The following CDCA2 variants were observed in gnomAD, a reference collection of about 807,000 sequenced individuals.
CDCA2 encodes cell division cycle associated 2, also known as cell division cycle-associated protein 2.
A neutral mutation model predicts 67.0 loss-of-function variants in CDCA2; 44 were observed. That is an observed-to-expected ratio of 0.66 (90% CI 0.52 to 0.84). The LOEUF is 0.84. Among genes scored for constraint, CDCA2 ranks in the 40% least tolerant of loss-of-function variants. CDCA2 has a pLI of 0.00. For synonymous variants in CDCA2, 447 were observed against 418.7 expected, an observed-to-expected ratio of 1.07 and a Z score of -0.82; for missense variants, 1,253 against 1,203.2, an observed-to-expected ratio of 1.04 and a Z score of -0.61.
intron 8 of CDCA2, among the ~76,000 whole-genome samples, chr8:25,481,234 A>C (rs762096791): frequency 9.7e-3 from 28 of 2,888 alleles, no homozygotes; most frequent in Non-Finnish European, 0.06. Flanking sequence ...AGTCTGGGAC[A>C]AAAAAAAAAA....
At chr8:25,502,324 C>A in intron 13 of CDCA2, among the ~76,000 whole-genome samples, 1 of 151,974 alleles carries the variant, frequency 6.6e-6, no homozygotes, top group African/African-American at 2.4e-5. Context: ...CAGCATTTCC[C>A]CAAGGTCTTT....
chr8:25,481,716 CAACTAATGATCTTT>C (rs1803579483), intron 8 of CDCA2, among the ~76,000 whole-genome samples: 1 of 152,054 alleles, frequency 6.6e-6, no homozygotes, highest in Non-Finnish European at 1.5e-5. Context: ...AAAACATTTA[CAACTAATGATCTTT>C]ATACTAAGAT....
intron 13 of CDCA2, among the ~76,000 whole-genome samples, chr8:25,496,259 T>C (rs1408232618): frequency 6.6e-6 from 1 of 152,164 alleles, no homozygotes; most frequent in Admixed American, 6.5e-5. Flanking sequence ...AATCATGAAA[T>C]AACACATAAG....
upstream of CDCA2, chr8:25,458,972 A>T (rs908176144): frequency 6.6e-6 from 1 of 152,128 alleles, no homozygotes; most frequent in Non-Finnish European, 1.5e-5. Flanking sequence ...GAGAAGCGTT[A>T]CTCCGCGAGA....
At position 25,466,331 on chromosome 8, in the gene CDCA2, T is replaced by C; in HGVS notation, c.538+6T>C. The C allele has an allele frequency of 6.3e-7, 1 of 1,575,942 alleles. No homozygotes were observed. Among genetic ancestry groups the C allele is most frequent in the African/African-American group, 1.4e-5 (1 of 72,630 alleles). On this transcript the variant is annotated splice_donor_region_variant and intron_variant, in intron 5 of 14. Transcript: ENST00000330560. ...GTCCGAGATGACAGACTTGAGTGAG[T>C]AGAAATAATTCGTTCAGTTTTGACT...
intron 4 of CDCA2, among the ~76,000 whole-genome samples, chr8:25,465,113 A>G: frequency 6.6e-6 from 1 of 152,098 alleles, no homozygotes; most frequent in East Asian, 1.9e-4. Context: ...AGCTGGGATT[A>G]CAGGCATGCA....
intron 4 of CDCA2, 26 bp downstream of exon 4, chr8:25,462,234 G>A (rs371086853): frequency 8.7e-6 from 14 of 1,608,562 alleles, no homozygotes; most frequent in Admixed American, 5.0e-5. Context: ...AAGTTCTGTC[G>A]TGAATTCCGT....
At chr8:25,461,181 C>T (rs866697122) in intron 3 of CDCA2, among the ~76,000 whole-genome samples, 20 of 148,284 alleles carry the variant, frequency 1.3e-4, no homozygotes, top group African/African-American at 4.2e-4. Context: ...GCAGGAGAAT[C>T]GCTTGAACCT....
At chr8:25,459,886 A>G (rs531493245) in intron 1 of CDCA2, among the ~76,000 whole-genome samples, 3 of 152,298 alleles carry the variant, frequency 2.0e-5, no homozygotes, top group Non-Finnish European at 4.4e-5. Flanking sequence ...AATAAGATCT[A>G]GTATTTGCTA....
chr8:25,493,338 T>A (rs1240478198), intron 13 of CDCA2, among the ~76,000 whole-genome samples: 1 of 152,040 alleles, frequency 6.6e-6, no homozygotes, highest in Non-Finnish European at 1.5e-5. Flanking sequence ...TCCTCAAGAG[T>A]AAATTCCTTT....
chr8:25,492,064 G>T (rs993729842), intron 13 of CDCA2, among the ~76,000 whole-genome samples: 2 of 152,110 alleles, frequency 1.3e-5, no homozygotes, highest in African/African-American at 4.8e-5. Context: ...CCAAAGTGCT[G>T]GGATTACAGG....
intron 13 of CDCA2, among the ~76,000 whole-genome samples, chr8:25,489,518 C>A (rs146194350): frequency 1.5e-3 from 224 of 152,304 alleles, no homozygotes; most frequent in African/African-American, 5.4e-3. Context: ...GAGTTATCCT[C>A]TCTTCCATCT....
At position 25,460,368 on chromosome 8, in the gene CDCA2, A is replaced by T. The variant is rs372294199; in HGVS notation, c.62-16A>T. 5.6e-6 allele frequency: 9 copies of T among 1,614,010 alleles called. No homozygotes were observed. Among genetic ancestry groups the T allele is most frequent in the Non-Finnish European group, 5.1e-6 (6 of 1,180,028 alleles). ...AGAGAGTTGTCCTCACCCCTACAAT[A>T]TGTCGTCCGTTTCAGGAAATGCCTC... is the stretch of plus-strand genomic sequence containing the variant. On this transcript the variant is annotated splice_polypyrimidine_tract_variant and intron_variant, in intron 2 of 14. Coordinates refer to ENST00000330560, the MANE Select transcript of CDCA2 (RefSeq NM_152562.4).
chr8:25,496,671 A>C (rs1804235279), intron 13 of CDCA2, among the ~76,000 whole-genome samples: 1 of 152,180 alleles, frequency 6.6e-6, no homozygotes, highest in Non-Finnish European at 1.5e-5. Context: ...CAAATGGCTA[A>C]CATCACTAAT....
At chr8:25,483,568 A>T in intron 9 of CDCA2, 82 bp downstream of exon 9, 1 of 904,444 alleles carries the variant, frequency 1.1e-6, no homozygotes. Flanking sequence ...GAAATTTTCA[A>T]TGATCTATAA....
At chr8:25,471,309 G>A (rs573658906) in intron 7 of CDCA2, among the ~76,000 whole-genome samples, 1 of 152,256 alleles carries the variant, frequency 6.6e-6, no homozygotes, top group South Asian at 2.1e-4. Flanking sequence ...GCAAGGTTGT[G>A]AGTTTGTTAC....
Position 25,484,164 on chromosome 8 carries a change from C to G in CDCA2, c.1319C>G (p.Pro440Arg). ...CTGCTGCTTGAGCAGTCACCTGTTCCTGAGCCATTACCTCAACCAGATTTT... is the reference window on the plus strand; with the variant it reads ...CTGCTGCTTGAGCAGTCACCTGTTCGTGAGCCATTACCTCAACCAGATTTT... ...SSLLLEQSPV[P>R]EPLPQPDFDD... The change falls in exon 10 of 15, where the codon CCT (proline) becomes CGT (arginine). Residue 440 changes from proline to arginine, a missense_variant. By Grantham distance (103) the Pro-to-Arg change is moderately radical. Coordinates refer to ENST00000330560, the MANE Select transcript of CDCA2 (RefSeq NM_152562.4). 6.2e-7 allele frequency: 1 copy of G among 1,614,198 alleles called. No individual in the cohort carries two copies. Among genetic ancestry groups the G allele is most frequent in the Non-Finnish European group, 8.5e-7 (1 of 1,180,034 alleles).
At chr8:25,480,175 C>T (rs1433577954) in intron 8 of CDCA2, 51 bp downstream of exon 8, 1 of 1,428,202 alleles carries the variant, frequency 7.0e-7, no homozygotes, top group Non-Finnish European at 9.7e-7. Flanking sequence ...ATGCATTTTG[C>T]TTCAAAGTAA....
chr8:25,487,793 T>G (rs1803841921), intron 12 of CDCA2, among the ~76,000 whole-genome samples: 1 of 151,992 alleles, frequency 6.6e-6, no homozygotes, highest in Non-Finnish European at 1.5e-5. Flanking sequence ...AAGGTGATAG[T>G]GTGTTTCTGA....
Sources: gnomAD v4.1 joint callset for allele counts (sites outside exome capture counted in the v4.1 genomes callset) on GRCh38, gnomAD v4.1.1 for gene constraint, MANE v1.5 for transcripts, NCBI Gene and HGNC (gene_info 2026-07-23, HGNC 2026-07-21) for gene names.